The following DMRT1 variants were observed in gnomAD, a reference collection of about 807,000 sequenced individuals.
The protein encoded by DMRT1 is doublesex and mab-3 related transcription factor 1.
Under a neutral mutation model 32.3 loss-of-function variants are expected in DMRT1, and 7 were observed. The observed-to-expected ratio is 0.22, with a 90% CI of 0.12 to 0.41. DMRT1 has a LOEUF of 0.41. Among genes scored for constraint, DMRT1 ranks in the 10% least tolerant of loss-of-function variants. DMRT1 has a pLI of 1.00. For synonymous variants in DMRT1, 278 were observed against 206.1 expected (o/e 1.35, Z -2.99); for missense variants, 625 against 500.5 (o/e 1.25, Z -2.37).
chr9:870,559 T>A (rs1816198915), intron 2 of DMRT1, among the ~76,000 whole-genome samples: 1 of 152,120 alleles, frequency 6.6e-6, no homozygotes, highest in African/African-American at 2.4e-5. Flanking sequence ...AGCATTGTAG[T>A]CTCTTCTCAG....
At chr9:883,066 C>T (rs1425006586) in intron 2 of DMRT1, among the ~76,000 whole-genome samples, 3 of 152,058 alleles carry the variant, frequency 2.0e-5, no homozygotes, top group South Asian at 2.1e-4. Context: ...GCCACCAAGC[C>T]TGCCCACCCC....
At chr9:920,069 A>G (rs1374173133) in intron 4 of DMRT1, among the ~76,000 whole-genome samples, 3 of 152,154 alleles carry the variant, frequency 2.0e-5, no homozygotes, top group Admixed American at 6.6e-5. Context: ...TTAACTTTGC[A>G]TGTGTTAAGT....
chr9:943,740 C>T (rs1350131145), intron 4 of DMRT1, among the ~76,000 whole-genome samples: 1 of 152,166 alleles, frequency 6.6e-6, no homozygotes, highest in Non-Finnish European at 1.5e-5. Context: ...CAGCAGATTA[C>T]AATTTACTGA....
intron 2 of DMRT1, among the ~76,000 whole-genome samples, chr9:886,159 A>G (rs975940957): frequency 6.6e-6 from 1 of 152,240 alleles, no homozygotes; most frequent in African/African-American, 2.4e-5. Flanking sequence ...CACACAAGCC[A>G]TGGAGACTGG....
chr9:904,843 G>T (rs576796191), intron 3 of DMRT1, among the ~76,000 whole-genome samples: 8 of 151,956 alleles, frequency 5.3e-5, no homozygotes, highest in African/African-American at 1.9e-4. Context: ...ACTCGAGGCT[G>T]AGGCAGGAGA....
intron 4 of DMRT1, among the ~76,000 whole-genome samples, chr9:951,528 A>G (rs938837191): frequency 2.0e-5 from 3 of 152,252 alleles, no homozygotes; most frequent in Admixed American, 6.5e-5. Context: ...GCCCCTAAAG[A>G]TGACATCTCT....
At chr9:869,345 ATTG>A (rs1816131669) in intron 2 of DMRT1, among the ~76,000 whole-genome samples, 1 of 152,220 alleles carries the variant, frequency 6.6e-6, no homozygotes, top group Non-Finnish European at 1.5e-5. Flanking sequence ...CTACACTTGC[ATTG>A]TGAATACAAA....
At chr9:950,569 T>C (rs1423969658) in intron 4 of DMRT1, among the ~76,000 whole-genome samples, 2 of 152,186 alleles carry the variant, frequency 1.3e-5, no homozygotes, top group African/African-American at 4.8e-5. Flanking sequence ...GCCTGGAACA[T>C]GATAGGGGCT....
intron 2 of DMRT1, among the ~76,000 whole-genome samples, chr9:853,220 C>G (rs1212639389): frequency 1.3e-5 from 2 of 152,092 alleles, no homozygotes; most frequent in East Asian, 1.9e-4. Flanking sequence ...GGTGCATTTG[C>G]TAGCATCGAT....
chr9:850,159 A>G (rs1589446171), intron 2 of DMRT1, among the ~76,000 whole-genome samples: 1 of 152,204 alleles, frequency 6.6e-6, no homozygotes, highest in Non-Finnish European at 1.5e-5. Context: ...TCTGTGGGGC[A>G]GGAGCCACAG....
At chr9:853,134 C>T (rs894937044) in intron 2 of DMRT1, among the ~76,000 whole-genome samples, 2 of 152,048 alleles carry the variant, frequency 1.3e-5, no homozygotes, top group African/African-American at 4.8e-5. Context: ...GAGGAAGGTA[C>T]GGAGATTTTT....
At chr9:938,973 G>C (rs760555417) in intron 4 of DMRT1, among the ~76,000 whole-genome samples, 1 of 152,210 alleles carries the variant, frequency 6.6e-6, no homozygotes, top group Non-Finnish European at 1.5e-5. Flanking sequence ...GAAGAAGTGG[G>C]TGGTGGAGTT....
intron 4 of DMRT1, among the ~76,000 whole-genome samples, chr9:923,708 C>T (rs1818428415): frequency 6.6e-6 from 1 of 152,136 alleles, no homozygotes; most frequent in Non-Finnish European, 1.5e-5. Context: ...GTTATGTATG[C>T]ATCCTGCCCT....
At chr9:921,541 T>G (rs1818354643) in intron 4 of DMRT1, among the ~76,000 whole-genome samples, 1 of 152,170 alleles carries the variant, frequency 6.6e-6, no homozygotes, top group Non-Finnish European at 1.5e-5. Context: ...ATGGTAAGTC[T>G]ATATGTAATT....
intron 1 of DMRT1, among the ~76,000 whole-genome samples, chr9:844,376 A>G (rs1838811979): frequency 6.9e-6 from 1 of 144,896 alleles, no homozygotes; most frequent in African/African-American, 2.9e-5. Context: ...TTTCCTTTTT[A>G]TATAATATTT....
At chr9:857,339 A>G (rs945416701) in intron 2 of DMRT1, among the ~76,000 whole-genome samples, 4 of 152,066 alleles carry the variant, frequency 2.6e-5, no homozygotes, top group Non-Finnish European at 2.9e-5. Context: ...TATATTGAAT[A>G]TAATATGTAT....
Position 894,020 on chromosome 9 carries a change from C to A in DMRT1, c.647C>A (p.Pro216Gln), listed in dbSNP as rs1817252303. Residue 216 changes from proline (P) to glutamine (Q), a missense_variant, in exon 3 of 5, where the codon CCG becomes CAG. Pro to Gln is a moderately conservative substitution (Grantham distance 76). This residue lies in a region of DMRT1 where 416 missense variants were observed against 321.6 expected (regional missense o/e 1.29). Coordinates refer to ENST00000382276, the MANE Select transcript of DMRT1 (RefSeq NM_021951.3). ...DSTYYSSFYQPSLFPYYNNLY... is the reference protein window; with the variant it reads ...DSTYYSSFYQQSLFPYYNNLY... ...ACCTACTACAGCAGCTTCTACCAGCCGTCTCTGTTTCCTTATTACAACAAT... is the reference window on the plus strand; with the variant it reads ...ACCTACTACAGCAGCTTCTACCAGCAGTCTCTGTTTCCTTATTACAACAAT... The A allele has an allele frequency of 8.1e-6, 13 of 1,614,146 alleles. No homozygotes were observed. The highest frequency in any genetic ancestry group is 5.0e-5 in the Admixed American group (3 of 60,016).
chr9:916,955 C>T lies in DMRT1; in HGVS notation c.967+48C>T, dbSNP rs1395597366. 6.2e-6 allele frequency: 10 copies of T among 1,606,846 alleles called. No individual in the cohort carries two copies. The African/African-American group carries it at 1.2e-4, about 19-fold the overall frequency. Reference sequence around the variant, plus strand: ...TGGATTTGGGGTTGAGAGAGGATGGCTATCCAGTATTGGGTCATTAGCTGT... The same window carrying T: ...TGGATTTGGGGTTGAGAGAGGATGGTTATCCAGTATTGGGTCATTAGCTGT... On this transcript the variant is annotated intron_variant, in intron 4 of 4. Coordinates refer to ENST00000382276, the MANE Select transcript of DMRT1 (RefSeq NM_021951.3).
intron 4 of DMRT1, among the ~76,000 whole-genome samples, chr9:923,114 T>C (rs1412385995): frequency 6.6e-6 from 1 of 152,186 alleles, no homozygotes; most frequent in Non-Finnish European, 1.5e-5. Context: ...GCAAAATGGG[T>C]AGCTTGCACC....
Sources: allele counts gnomAD v4.1 joint callset (sites outside exome capture counted in the v4.1 genomes callset), GRCh38; gene constraint gnomAD v4.1.1; regional missense constraint gnomAD v4.1.1; transcripts MANE v1.5; gene names NCBI Gene and HGNC (gene_info 2026-07-23, HGNC 2026-07-21).